Variants in MYO9A observed in about 807,000 individuals in gnomAD.
The protein encoded by MYO9A is unconventional myosin-IXa.
MYO9A carries 103 observed loss-of-function variants against 293.3 expected under a neutral mutation model. That is an observed-to-expected ratio of 0.35 (90% CI 0.30 to 0.41). The LOEUF (loss-of-function observed/expected upper bound fraction) is 0.41. MYO9A is among the 10% of genes least tolerant of loss of function. MYO9A has a pLI of 1.00. For missense variants in MYO9A, 2,685 were observed against 3,033.0 expected (o/e 0.89, Z 2.69); for synonymous variants, 1,001 against 1,035.7 (o/e 0.97, Z 0.64).
At chr15:72,103,634 GAAA>G (rs1205044089) in intron 1 of MYO9A, among the ~76,000 whole-genome samples, 1 of 15,914 alleles carries the variant, frequency 6.3e-5, no homozygotes, top group African/African-American at 8.1e-5. Flanking sequence ...AGCAGAAGAA[GAAA>G]CAGAAGAAGC....
At chr15:71,956,599 T>C (rs995902743) in intron 14 of MYO9A, among the ~76,000 whole-genome samples, 1 of 150,022 alleles carries the variant, frequency 6.7e-6, no homozygotes, top group Non-Finnish European at 1.5e-5. Flanking sequence ...TGAGCCAAGA[T>C]TGCACCACTG....
chr15:72,083,488 T>C (rs2079616049), intron 1 of MYO9A, among the ~76,000 whole-genome samples: 1 of 152,238 alleles, frequency 6.6e-6, no homozygotes, highest in Non-Finnish European at 1.5e-5. Flanking sequence ...GAATGGTTTT[T>C]CGTGTCTCAA....
intron 29 of MYO9A, 116 bp downstream of exon 29, chr15:71,880,219 A>C (rs2056831139): frequency 1.1e-6 from 1 of 881,780 alleles, no homozygotes; most frequent in African/African-American, 1.7e-5. Context: ...TAAAGAACAG[A>C]TCATCTAAAG....
chr15:72,037,079 A>C (rs944855573), intron 2 of MYO9A, among the ~76,000 whole-genome samples: 2 of 151,662 alleles, frequency 1.3e-5, no homozygotes, highest in African/African-American at 4.8e-5. Flanking sequence ...CTGTCAACCC[A>C]GACTGGAGTG....
At chr15:72,063,682 G>A (rs1566998788) in intron 1 of MYO9A, among the ~76,000 whole-genome samples, 2 of 152,166 alleles carry the variant, frequency 1.3e-5, no homozygotes, top group African/African-American at 4.8e-5. Flanking sequence ...TAAAGAAAAG[G>A]TAACACTTGT....
intron 8 of MYO9A, among the ~76,000 whole-genome samples, chr15:72,003,280 A>T (rs1208578972): frequency 6.6e-6 from 1 of 151,584 alleles, no homozygotes; most frequent in Non-Finnish European, 1.5e-5. Flanking sequence ...AAAAAAAAAA[A>T]AAAGTAAAAA....
chr15:72,075,926 G>T (rs2079336221), intron 1 of MYO9A, among the ~76,000 whole-genome samples: 1 of 152,124 alleles, frequency 6.6e-6, no homozygotes, highest in Admixed American at 6.5e-5. Flanking sequence ...TACCACTTCT[G>T]TTCAACACTG....
Position 71,822,984 on chromosome 15 carries a change from A to C in MYO9A, c.*3596T>G, listed in dbSNP as rs913569596. 6.6e-6 allele frequency: 1 copy of C among 152,186 alleles called. No homozygotes were observed. The highest frequency in any genetic ancestry group is 2.4e-5 in the African/African-American group (1 of 41,436). The allele number at this position is 152,186 out of a possible 1,614,324, so 9.4% of individuals were successfully genotyped here. ...CAGATACCAAGGAGTTTTACTACCA[A>C]GGCCAGCATGGTATTGCAGGACAGT... On this transcript the variant is annotated 3_prime_UTR_variant, in exon 42 of 42. Transcript: ENST00000356056.
At position 71,861,679 on chromosome 15, in the gene MYO9A, T is replaced by TAAAA. The variant is rs66598621; in HGVS notation, c.6091+817_6091+820dup. On this transcript the variant is annotated intron_variant, in intron 33 of 41. Transcript: ENST00000356056. ...ATCACCGTTTTAGGCACTGATGATA[T>TAAAA]AAAAAAAAAAAAAAAAAAAAAACAA... 2.0e-3 allele frequency among the ~76,000 whole-genome samples: 168 copies of TAAAA among 82,712 alleles called. 2 individuals carry two copies. Among genetic ancestry groups the TAAAA allele is most frequent in the African/African-American group, 4.0e-3 (95 of 23,834 alleles). The allele number at this position is 82,712 out of a possible 152,430, so 54.3% of individuals were successfully genotyped here.
intron 11 of MYO9A, among the ~76,000 whole-genome samples, chr15:71,990,806 T>C (rs1198140851): frequency 2.6e-5 from 4 of 151,570 alleles, no homozygotes; most frequent in Non-Finnish European, 5.9e-5. Context: ...TGCTCTCCAC[T>C]CTTTTAGTAA....
intron 1 of MYO9A, among the ~76,000 whole-genome samples, chr15:72,078,314 T>A (rs1208915146): frequency 6.6e-6 from 1 of 151,746 alleles, no homozygotes; most frequent in Non-Finnish European, 1.5e-5. Flanking sequence ...GGCAATGTGG[T>A]GTGACCTCCT....
chr15:71,947,738 GC>G (rs2058953946), intron 15 of MYO9A, among the ~76,000 whole-genome samples: 1 of 152,164 alleles, frequency 6.6e-6, no homozygotes. Flanking sequence ...GGTGGAGTAA[GC>G]CCTCAGCCCT....
intron 16 of MYO9A, among the ~76,000 whole-genome samples, chr15:71,936,004 A>C (rs2058633622): frequency 6.6e-6 from 1 of 152,094 alleles, no homozygotes; most frequent in Admixed American, 6.6e-5. Context: ...TGAACAAAAC[A>C]TAACACTATC....
chr15:71,922,938 T>C (rs2058192342), intron 18 of MYO9A, among the ~76,000 whole-genome samples: 1 of 152,164 alleles, frequency 6.6e-6, no homozygotes, highest in African/African-American at 2.4e-5. Context: ...GAGAAAGTGG[T>C]GAAAGCGGGC....
intron 1 of MYO9A, among the ~76,000 whole-genome samples, chr15:72,091,902 G>A (rs1021026311): frequency 6.6e-6 from 1 of 151,988 alleles, no homozygotes; most frequent in Non-Finnish European, 1.5e-5. Context: ...TTTTTTAGTA[G>A]AGACGGGGTT....
At chr15:72,096,208 C>CAG (rs1317608818) in intron 1 of MYO9A, among the ~76,000 whole-genome samples, 6 of 150,134 alleles carry the variant, frequency 4.0e-5, no homozygotes, top group African/African-American at 1.5e-4. Context: ...CATGGTGGTG[C>CAG]AGGCCTGTAG....
intron 19 of MYO9A, among the ~76,000 whole-genome samples, chr15:71,916,132 C>T (rs1043154255): frequency 6.6e-5 from 10 of 151,952 alleles, no homozygotes; most frequent in African/African-American, 2.2e-4. Flanking sequence ...TTTCTCCTCA[C>T]ACTGAAAATA....
chr15:72,034,492 G>C (rs2077980573), intron 2 of MYO9A, among the ~76,000 whole-genome samples: 1 of 152,148 alleles, frequency 6.6e-6, no homozygotes, highest in African/African-American at 2.4e-5. Flanking sequence ...GTAAGTCATG[G>C]AAAAGAGCCC....
At chr15:71,912,258 G>GT (rs34858713) in intron 19 of MYO9A, among the ~76,000 whole-genome samples, 29,121 of 145,478 alleles carry the variant, frequency 0.2, 3,034 homozygotes, top group East Asian at 0.41. Flanking sequence ...AAAGAGAAAA[G>GT]TTTTTTTTTT....
Sources: gnomAD v4.1 joint callset for allele counts (sites outside exome capture counted in the v4.1 genomes callset) on GRCh38, gnomAD v4.1.1 for gene constraint, MANE v1.5 for transcripts, NCBI Gene and HGNC (gene_info 2026-07-23, HGNC 2026-07-21) for gene names.